The following SPATS2 variants were observed in gnomAD, a reference collection of about 807,000 sequenced individuals.
SPATS2 encodes the protein spermatogenesis-associated serine-rich protein 2.
SPATS2 carries 38 observed loss-of-function variants against 63.7 expected under a neutral mutation model. That is an observed-to-expected ratio of 0.60 (90% CI 0.46 to 0.78). The LOEUF is 0.78. Among genes scored for constraint, SPATS2 ranks in the 30% least tolerant of loss-of-function variants. The pLI, the probability that SPATS2 is intolerant of heterozygous loss-of-function variation, is 0.00. For synonymous variants in SPATS2, 207 were observed against 232.9 expected, an observed-to-expected ratio of 0.89 and a Z score of 1.01; for missense variants, 588 against 666.2, an observed-to-expected ratio of 0.88 and a Z score of 1.29.
At chr12:49,427,678 A>G (rs1405594695) in intron 2 of SPATS2, among the ~76,000 whole-genome samples, 2 of 152,218 alleles carry the variant, frequency 1.3e-5, no homozygotes, top group Non-Finnish European at 2.9e-5. Flanking sequence ...AATTTCTTTT[A>G]GAGTTACAGG....
chr12:49,486,064 G>A (rs1269948759), intron 4 of SPATS2, among the ~76,000 whole-genome samples: 2 of 151,312 alleles, frequency 1.3e-5, no homozygotes, highest in African/African-American at 2.4e-5. Context: ...TGGCCTCTCT[G>A]TCTTATTTAA....
At chr12:49,477,638 G>A (rs1946140739) in intron 3 of SPATS2, among the ~76,000 whole-genome samples, 1 of 152,060 alleles carries the variant, frequency 6.6e-6, no homozygotes, top group South Asian at 2.1e-4. Flanking sequence ...TCTTAAATAA[G>A]TTTTGAAGAA....
intron 10 of SPATS2, among the ~76,000 whole-genome samples, chr12:49,518,178 C>T (rs1946881372): frequency 6.6e-6 from 1 of 152,262 alleles, no homozygotes; most frequent in Admixed American, 6.5e-5. Flanking sequence ...GTAAAAATTC[C>T]CACTTGGAAA....
At chr12:49,445,292 C>T (rs1592402979) in intron 2 of SPATS2, among the ~76,000 whole-genome samples, 2 of 151,950 alleles carry the variant, frequency 1.3e-5, no homozygotes, top group East Asian at 3.9e-4. Flanking sequence ...TTTTAAAAAC[C>T]ATGAATGGGT....
At chr12:49,464,480 A>G (rs1450937823) in intron 3 of SPATS2, among the ~76,000 whole-genome samples, 2 of 148,326 alleles carry the variant, frequency 1.3e-5, no homozygotes, top group Admixed American at 1.3e-4. Flanking sequence ...AAAAAAAATT[A>G]GCTGGGTGTG....
rs1947049706 is a variant in SPATS2, at chr12:49,527,192, A to T, written c.*937A>T. On this transcript the variant is annotated 3_prime_UTR_variant, in exon 14 of 14. Transcript: ENST00000552918. Reference sequence around the variant, plus strand: ...CAGTGAGCTGAGATTGTGCCACTGCACTCCAGCCTGGGAGACAGAGCAAGA... The same window carrying T: ...CAGTGAGCTGAGATTGTGCCACTGCTCTCCAGCCTGGGAGACAGAGCAAGA... 4 of 148,756 alleles carry T rather than the reference A, an allele frequency of 2.7e-5. No homozygotes were observed. In the Admixed American group the frequency reaches 2.7e-4, roughly 10 times the overall value. The allele number at this position is 148,756 out of a possible 1,614,324, so 9.2% of individuals were successfully genotyped here. A position where few individuals can be genotyped will look rare whatever the true frequency, so the allele number is the denominator to read the frequency against.
At chr12:49,436,671 G>T (rs1945302638) in intron 2 of SPATS2, among the ~76,000 whole-genome samples, 1 of 130,364 alleles carries the variant, frequency 7.7e-6, no homozygotes, top group Admixed American at 7.4e-5. Flanking sequence ...TCTCTTCCCA[G>T]TAGGGGCGGC....
chr12:49,372,690 G>T (rs1341721278), intron 2 of SPATS2, among the ~76,000 whole-genome samples: 1 of 151,794 alleles, frequency 6.6e-6, no homozygotes, highest in African/African-American at 2.4e-5. Flanking sequence ...GCTGCTTACT[G>T]CTTACCTTCT....
chr12:49,433,654 G>A (rs1945224846), intron 2 of SPATS2, among the ~76,000 whole-genome samples: 1 of 152,120 alleles, frequency 6.6e-6, no homozygotes, highest in Non-Finnish European at 1.5e-5. Flanking sequence ...TGTTGTTGTT[G>A]TTGTGGATTT....
chr12:49,384,431 T>C (rs1281856751), intron 2 of SPATS2, among the ~76,000 whole-genome samples: 1 of 152,228 alleles, frequency 6.6e-6, no homozygotes, highest in East Asian at 1.9e-4. Context: ...CCATTCCCCA[T>C]ACATGGTACT....
At position 49,447,938 on chromosome 12, in the gene SPATS2, T is replaced by A. The variant is rs140714387; in HGVS notation, c.-243-12832T>A. Among the ~76,000 whole-genome samples, 4 of 151,934 alleles carry A rather than the reference T, an allele frequency of 2.6e-5. No homozygotes were observed. In the East Asian group the frequency reaches 7.8e-4, roughly 30 times the overall value. On this transcript the variant is annotated intron_variant, in intron 2 of 13. Coordinates refer to ENST00000552918, the MANE Select transcript of SPATS2 (RefSeq NM_023071.4). ...TTTTCTCTAGTGTTTTTCCATATAC[T>A]CTTTGATTGATTGTGGTCTAATCTG...
At chr12:49,393,372 A>C (rs142730048) in intron 2 of SPATS2, among the ~76,000 whole-genome samples, 1 of 152,276 alleles carries the variant, frequency 6.6e-6, no homozygotes, top group Non-Finnish European at 1.5e-5. Flanking sequence ...ATCCATTCTT[A>C]CATTAAGGCA....
intron 2 of SPATS2, among the ~76,000 whole-genome samples, chr12:49,447,953 G>A (rs1945545326): frequency 6.6e-6 from 1 of 151,220 alleles, no homozygotes; most frequent in African/African-American, 2.4e-5. Context: ...GATTGATTGT[G>A]GTCTAATCTG....
intron 2 of SPATS2, among the ~76,000 whole-genome samples, chr12:49,415,952 C>A (rs1180742556): frequency 6.6e-6 from 1 of 151,798 alleles, no homozygotes; most frequent in African/African-American, 2.4e-5. Context: ...ACCCTGCAGG[C>A]CTTGGCTTAC....
Position 49,504,773 on chromosome 12 carries a change from T to TCTTTC in SPATS2, c.839+4568_839+4569insCTTTC, listed in dbSNP as rs1555192179. On this transcript the variant is annotated intron_variant, in intron 9 of 13. Coordinates refer to ENST00000552918, the MANE Select transcript of SPATS2 (RefSeq NM_023071.4). ...TGTTTCTTTTCTTTCTTTCTTTCTT[T>TCTTTC]TTTTTTTTTTTTTTTTTAAGACAGG... Among the ~76,000 whole-genome samples, 216 of 141,012 alleles carry TCTTTC rather than the reference T, an allele frequency of 1.5e-3. 1 individual carries two copies. The highest frequency in any genetic ancestry group is 0.01 in the South Asian group (47 of 4,506). The allele number at this position is 141,012 out of a possible 152,430, so 92.5% of individuals were successfully genotyped here. A position where few individuals can be genotyped will look rare whatever the true frequency, so the allele number is the denominator to read the frequency against.
chr12:49,373,649 G>C (rs902440379), intron 2 of SPATS2, among the ~76,000 whole-genome samples: 3 of 152,020 alleles, frequency 2.0e-5, no homozygotes, highest in Admixed American at 1.3e-4. Flanking sequence ...AATTAGAGCT[G>C]GGCATGGTGG....
At chr12:49,414,793 C>G (rs1341249206) in intron 2 of SPATS2, among the ~76,000 whole-genome samples, 1 of 151,970 alleles carries the variant, frequency 6.6e-6, no homozygotes. Flanking sequence ...GAGACAGAGT[C>G]TCACTATGTT....
chr12:49,500,589 G>A (rs1308771384), intron 9 of SPATS2, among the ~76,000 whole-genome samples: 1 of 152,004 alleles, frequency 6.6e-6, no homozygotes, highest in African/African-American at 2.4e-5. Context: ...TGGCTAACAC[G>A]GTGAAAACCC....
chr12:49,498,254 A>G (rs2137930928), intron 8 of SPATS2, among the ~76,000 whole-genome samples: 1 of 151,454 alleles, frequency 6.6e-6, no homozygotes, highest in African/African-American at 2.4e-5. Flanking sequence ...AAAAAATTGG[A>G]AATGCATATC....
Sources: gnomAD v4.1 joint callset for allele counts (sites outside exome capture counted in the v4.1 genomes callset) on GRCh38, gnomAD v4.1.1 for gene constraint, MANE v1.5 for transcripts, NCBI Gene and HGNC (gene_info 2026-07-23, HGNC 2026-07-21) for gene names.